Variants in CFAP54 observed in about 807,000 individuals in gnomAD.
The protein encoded by CFAP54 is cilia- and flagella-associated protein 54.
A neutral mutation model predicts 370.4 loss-of-function variants in CFAP54; 290 were observed. The observed-to-expected ratio is 0.78, with a 90% CI of 0.71 to 0.86. CFAP54 has a LOEUF of 0.86. Among genes scored for constraint, CFAP54 ranks in the 40% least tolerant of loss-of-function variants. The pLI, the probability that CFAP54 is intolerant of heterozygous loss-of-function variation, is 0.00. For synonymous variants in CFAP54, 1,206 were observed against 1,236.5 expected, an observed-to-expected ratio of 0.98 and a Z score of 0.52; for missense variants, 3,399 against 3,528.7, an observed-to-expected ratio of 0.96 and a Z score of 0.93.
At chr12:96,630,340 C>T in intron 31 of CFAP54, 136 bp downstream of exon 31, 1 of 605,640 alleles carries the variant, frequency 1.7e-6, no homozygotes, top group Non-Finnish European at 2.7e-6. Context: ...TATAATTACA[C>T]AATACAACTT....
At chr12:96,513,091 A>G (rs1955190853) in intron 5 of CFAP54, 47 bp downstream of exon 5, 2 of 1,199,016 alleles carry the variant, frequency 1.7e-6, no homozygotes, top group Non-Finnish European at 1.1e-6. Context: ...TTCCTGTTTT[A>G]TTTTTCTTAA....
chr12:96,616,889 T>G (rs1250877381), intron 26 of CFAP54, among the ~76,000 whole-genome samples: 1 of 152,206 alleles, frequency 6.6e-6, no homozygotes, highest in Non-Finnish European at 1.5e-5. Flanking sequence ...GAAATTGTTC[T>G]TGTTGTACAA....
intron 25 of CFAP54, among the ~76,000 whole-genome samples, chr12:96,598,260 A>G (rs1298001845): frequency 6.6e-6 from 1 of 152,046 alleles, no homozygotes; most frequent in Admixed American, 6.6e-5. Flanking sequence ...ATCACTATGT[A>G]ATATTTAATA....
At chr12:96,866,333 C>G (rs550005309) in intron 67 of CFAP54, among the ~76,000 whole-genome samples, 11 of 152,030 alleles carry the variant, frequency 7.2e-5, no homozygotes, top group Non-Finnish European at 1.6e-4. Context: ...AGTTAAAAAG[C>G]TGGGTTAAGA....
chr12:96,736,561 CAGA>C (rs989249758), intron 50 of CFAP54, among the ~76,000 whole-genome samples: 4 of 152,106 alleles, frequency 2.6e-5, no homozygotes, highest in Non-Finnish European at 4.4e-5. Context: ...TTTCTTAGAA[CAGA>C]AGAAGAATGC....
intron 66 of CFAP54, among the ~76,000 whole-genome samples, chr12:96,847,099 T>C (rs1186933515): frequency 2.0e-5 from 3 of 152,044 alleles, no homozygotes; most frequent in Admixed American, 1.3e-4. Flanking sequence ...TTCAGTAATA[T>C]GATAGAACAG....
chr12:96,779,067 A>T (rs1350033731), intron 60 of CFAP54, among the ~76,000 whole-genome samples: 1 of 149,552 alleles, frequency 6.7e-6, no homozygotes, highest in East Asian at 2.0e-4. Flanking sequence ...AGATCGTGCC[A>T]TCGCACTCCA....
rs115794030 is a variant in CFAP54, at chr12:96,790,412, A to G, written c.8680-1917A>G. On this transcript the variant is annotated intron_variant, in intron 62 of 67. Transcript: ENST00000524981. ...AGCATATGTAATGAATCCTCTTAGC[A>G]ACTACATATATAGTATTTGAAAGGT... 4.1e-3 allele frequency among the ~76,000 whole-genome samples: 625 copies of G among 152,310 alleles called. 6 individuals are homozygous for G. The highest frequency in any genetic ancestry group is 0.014 in the African/African-American group (563 of 41,570).
intron 55 of CFAP54, among the ~76,000 whole-genome samples, chr12:96,746,872 T>G (rs147603280): frequency 5.3e-5 from 8 of 152,316 alleles, no homozygotes; most frequent in East Asian, 1.9e-4. Flanking sequence ...CTCCCACACA[T>G]GCAAATACAT....
chr12:96,829,172 G>C (rs1959160941), intron 66 of CFAP54, 84 bp downstream of exon 66: 1 of 755,890 alleles, frequency 1.3e-6, no homozygotes, highest in Non-Finnish European at 2.1e-6. Flanking sequence ...ACATCTAATT[G>C]TAAGTATCAA....
intron 65 of CFAP54, among the ~76,000 whole-genome samples, chr12:96,825,338 T>C (rs1427278368): frequency 7.8e-6 from 1 of 127,702 alleles, no homozygotes; most frequent in Non-Finnish European, 1.6e-5. Context: ...TAACATGTTA[T>C]ATATTATGTA....
Position 96,582,641 on chromosome 12 carries a change from G to A in CFAP54, c.3075+1536G>A, listed in dbSNP as rs534944633. On this transcript the variant is annotated intron_variant, in intron 22 of 67. Coordinates refer to ENST00000524981, the MANE Select transcript of CFAP54 (RefSeq NM_001306084.2). ...TGTGAGGAACTGAATATTTCATCAA[G>A]GCCTAATTTTTCTCCAGGGAGTGGT... 3.3e-5 allele frequency among the ~76,000 whole-genome samples: 5 copies of A among 152,144 alleles called. No homozygotes were observed. The South Asian group carries it at 6.2e-4, about 19-fold the overall frequency.
intron 64 of CFAP54, among the ~76,000 whole-genome samples, chr12:96,814,033 C>A (rs1437652783): frequency 6.6e-6 from 1 of 152,196 alleles, no homozygotes; most frequent in African/African-American, 2.4e-5. Context: ...AGGACTCAGC[C>A]TGCTTTGCCC....
chr12:96,753,846 A>G lies in CFAP54; in HGVS notation c.7788A>G (p.Arg2596=). Residue 2596 remains arginine (R), a synonymous_variant, in exon 56 of 68, where the codon AGA becomes AGG. Transcript: ENST00000524981. ...TTGATGTGGCACTGAAGCTCTGTAGAACAACAGCAGTGGAGGAACATGAGG... is the reference window on the plus strand; with the variant it reads ...TTGATGTGGCACTGAAGCTCTGTAGGACAACAGCAGTGGAGGAACATGAGG... ...HLFDVALKLC[R]TTAVEEHEVE... is the part of the protein sequence containing the mutation. The G allele has an allele frequency of 6.2e-7, 1 of 1,614,012 alleles. No homozygotes were observed. The highest frequency in any genetic ancestry group is 8.5e-7 in the Non-Finnish European group (1 of 1,179,934).
intron 64 of CFAP54, 63 bp downstream of exon 64, chr12:96,811,905 T>A: frequency 1.0e-6 from 1 of 995,638 alleles, no homozygotes. Flanking sequence ...ATAGACTCTT[T>A]CAGTAATTGG....
At chr12:96,839,147 C>T (rs1351082613) in intron 66 of CFAP54, among the ~76,000 whole-genome samples, 2 of 152,130 alleles carry the variant, frequency 1.3e-5, no homozygotes, top group Admixed American at 6.6e-5. Flanking sequence ...CTCCAAATCC[C>T]AGCTCAGCTC....
intron 5 of CFAP54, among the ~76,000 whole-genome samples, chr12:96,514,377 T>C (rs1394530598): frequency 6.6e-6 from 1 of 152,228 alleles, no homozygotes; most frequent in Non-Finnish European, 1.5e-5. Flanking sequence ...AAAAACTCTA[T>C]GACAGACAGT....
At chr12:96,660,352 C>T (rs2136516523) in intron 38 of CFAP54, among the ~76,000 whole-genome samples, 2 of 152,192 alleles carry the variant, frequency 1.3e-5, no homozygotes, top group Middle Eastern at 6.8e-3. Context: ...GTGAGTGTAC[C>T]CCAAGACTAT....
At chr12:96,832,284 T>A (rs1833244) in intron 66 of CFAP54, among the ~76,000 whole-genome samples, 35,758 of 85,924 alleles carry the variant, frequency 0.42, 4,482 homozygotes, top group South Asian at 0.5. Context: ...AAAAAAAAAA[T>A]ATATATATAT....
Sources: gnomAD v4.1 joint callset for allele counts (sites outside exome capture counted in the v4.1 genomes callset) on GRCh38, gnomAD v4.1.1 for gene constraint, MANE v1.5 for transcripts, NCBI Gene and HGNC (gene_info 2026-07-23, HGNC 2026-07-21) for gene names.